Variants in KIF26B observed in about 807,000 individuals in gnomAD.
The protein encoded by KIF26B is kinesin family member 26B.
KIF26B carries 63 observed loss-of-function variants against 151.2 expected under a neutral mutation model. That is an observed-to-expected ratio of 0.42 (90% confidence interval 0.34 to 0.51). The LOEUF (loss-of-function observed/expected upper bound fraction) is 0.51. KIF26B is among the 20% of genes least tolerant of loss of function. KIF26B has a pLI of 0.07. For missense variants in KIF26B, 2,813 were observed against 2,913.6 expected (o/e 0.97, Z 0.79); for synonymous variants, 1,357 against 1,262.1 (o/e 1.08, Z -1.59).
chr1:245,300,534 CTTTTTT>C (rs199923880), intron 2 of KIF26B, among the ~76,000 whole-genome samples: 1 of 144,736 alleles, frequency 6.9e-6, no homozygotes, highest in African/African-American at 2.5e-5. Flanking sequence ...TTTCTTTTTT[CTTTTTT>C]TTTTTTGAGG....
At position 245,558,747 on chromosome 1, in the gene KIF26B, G is replaced by A. The variant is rs141998921; in HGVS notation, c.1350+17797G>A. Among the ~76,000 whole-genome samples the A allele has an allele frequency of 2.9e-3, 448 of 152,278 alleles. 2 individuals carry two copies. The South Asian group carries it at 0.035, about 12-fold the overall frequency. On this transcript the variant is annotated intron_variant, in intron 5 of 14. Transcript: ENST00000407071. ...TTACTCTTTACCTGGACAACATAAC[G>A]TCGGGGAAAACTCATTTATTTGCAA...
At chr1:245,402,140 G>A (rs1053350793) in intron 3 of KIF26B, among the ~76,000 whole-genome samples, 4 of 152,124 alleles carry the variant, frequency 2.6e-5, no homozygotes, top group South Asian at 4.1e-4. Context: ...TGTTCTCCAC[G>A]TTGGTAGCTG....
chr1:245,165,951 T>C (rs1366419965), intron 2 of KIF26B, among the ~76,000 whole-genome samples: 1 of 152,200 alleles, frequency 6.6e-6, no homozygotes, highest in African/African-American at 2.4e-5. Context: ...TTTGAGTTGC[T>C]GAGGACACTG....
At chr1:245,482,907 C>G (rs1660198555) in intron 4 of KIF26B, among the ~76,000 whole-genome samples, 1 of 151,722 alleles carries the variant, frequency 6.6e-6, no homozygotes. Flanking sequence ...TGATGAATCC[C>G]GGGCAGCCAC....
chr1:245,184,047 GTTGTT>G (rs1389030175), intron 2 of KIF26B, among the ~76,000 whole-genome samples: 3 of 9,246 alleles, frequency 3.2e-4, no homozygotes, highest in Middle Eastern at 0.062. Context: ...GGTGGGAGTT[GTTGTT>G]TTTTTTTTTT....
At chr1:245,314,725 G>A (rs1462242303) in intron 2 of KIF26B, among the ~76,000 whole-genome samples, 1 of 152,152 alleles carries the variant, frequency 6.6e-6, no homozygotes, top group Non-Finnish European at 1.5e-5. Flanking sequence ...GCGCCTACCT[G>A]TATGGTGCCC....
At chr1:245,355,544 T>G (rs1672674216) in intron 2 of KIF26B, among the ~76,000 whole-genome samples, 1 of 147,892 alleles carries the variant, frequency 6.8e-6, no homozygotes, top group South Asian at 2.1e-4. Flanking sequence ...TGCAGTGAGC[T>G]GTGATCACGC....
chr1:245,391,304 A>T (rs978231483), intron 3 of KIF26B, among the ~76,000 whole-genome samples: 5 of 152,244 alleles, frequency 3.3e-5, no homozygotes, highest in Non-Finnish European at 5.9e-5. Flanking sequence ...TGAAATTTTA[A>T]GAAACTACCA....
At chr1:245,362,764 G>C (rs1207548657) in intron 2 of KIF26B, among the ~76,000 whole-genome samples, 1 of 151,894 alleles carries the variant, frequency 6.6e-6, no homozygotes, top group Non-Finnish European at 1.5e-5. Flanking sequence ...GTGAGCCACG[G>C]TGCTCCACCA....
In KIF26B at chr1:245,698,553, G is replaced by A. The variant is rs750474578; in HGVS notation, c.6027+245G>A. The stretch of plus-strand genomic sequence containing the variant: ...GCTTCAAAGCCAGGGGTCGGGGGCT[G>A]GTGATCTTGGGGGCTTTTCTGGCTC... On this transcript the variant is annotated intron_variant, in intron 13 of 14. Coordinates refer to ENST00000407071, the MANE Select transcript of KIF26B (RefSeq NM_018012.4). The surrounding 1 kb of genome is among the most constrained non-coding windows in gnomAD (Gnocchi z 4.0). Among the ~76,000 whole-genome samples, 3 of 152,198 alleles carry A rather than the reference G, an allele frequency of 2.0e-5. No homozygotes were observed. The highest frequency in any genetic ancestry group is 2.9e-5 in the Non-Finnish European group (2 of 68,028).
intron 5 of KIF26B, among the ~76,000 whole-genome samples, chr1:245,595,918 C>A (rs1205444695): frequency 2.0e-5 from 3 of 152,112 alleles, no homozygotes; most frequent in Admixed American, 2.0e-4. Flanking sequence ...GGAATTTATC[C>A]ATTTCTTCTA....
At chr1:245,646,404 C>A in intron 10 of KIF26B, 124 bp downstream of exon 10, 1 of 984,026 alleles carries the variant, frequency 1.0e-6, no homozygotes, top group Non-Finnish European at 1.5e-6. Context: ...AAGTTCAGTG[C>A]CAGAGACCAG....
At chr1:245,669,265 T>G (rs1429586717) in intron 10 of KIF26B, among the ~76,000 whole-genome samples, 1 of 152,168 alleles carries the variant, frequency 6.6e-6, no homozygotes, top group African/African-American at 2.4e-5. Flanking sequence ...TTCACAGGTA[T>G]AGCCTATGTT....
intron 4 of KIF26B, among the ~76,000 whole-genome samples, chr1:245,439,950 G>C (rs1051032338): frequency 6.6e-6 from 1 of 152,200 alleles, no homozygotes; most frequent in African/African-American, 2.4e-5. Context: ...GGCCAGGTGC[G>C]GTGGCTCACG....
At position 245,361,491 on chromosome 1, in the gene KIF26B, C is replaced by G. The variant is rs115774940; in HGVS notation, c.466-5343C>G. Among the ~76,000 whole-genome samples the G allele has an allele frequency of 4.6e-3, 693 of 152,300 alleles. 5 individuals are homozygous for G. The highest frequency in any genetic ancestry group is 7.1e-3 in the African/African-American group (297 of 41,556). Reference sequence around the variant, plus strand: ...ACGTGCTCAGCGCGGTGTTCATGCCCGCACCATTGTGTGATCACCATCACT... The same window carrying G: ...ACGTGCTCAGCGCGGTGTTCATGCCGGCACCATTGTGTGATCACCATCACT... On this transcript the variant is annotated intron_variant, in intron 2 of 14. Coordinates refer to ENST00000407071, the MANE Select transcript of KIF26B (RefSeq NM_018012.4).
Position 245,686,931 on chromosome 1 carries a change from G to A in KIF26B, c.3948G>A (p.Ser1316=), listed in dbSNP as rs755744475. 9.9e-6 allele frequency: 16 copies of A among 1,613,146 alleles called. No homozygotes were observed. The highest frequency in any genetic ancestry group is 2.2e-5 in the East Asian group (1 of 44,874). Reference sequence around the variant, plus strand: ...AGGCAATGGCAGAACCTGTGGCCTCGGAGTTTGTCAGCAGCCTCCAGAACA... The same window carrying A: ...AGGCAATGGCAGAACCTGTGGCCTCAGAGTTTGTCAGCAGCCTCCAGAACA... ...HGEAMAEPVA[S]EFVSSLQNTA... is the part of the protein sequence containing the mutation. The change falls in exon 12 of 15, where the codon TCG becomes TCA. Residue 1316 remains serine, a synonymous_variant. Transcript: ENST00000407071. The surrounding 1 kb of genome is among the most constrained non-coding windows in gnomAD (Gnocchi z 5.6).
intron 4 of KIF26B, among the ~76,000 whole-genome samples, chr1:245,538,308 C>A (rs1157670652): frequency 2.0e-5 from 3 of 152,020 alleles, no homozygotes; most frequent in Non-Finnish European, 2.9e-5. Context: ...CCAAGATGGG[C>A]AAGGAAGTAG....
chr1:245,681,437 C>T (rs1016992114), intron 10 of KIF26B, among the ~76,000 whole-genome samples: 1 of 152,146 alleles, frequency 6.6e-6, no homozygotes, highest in Non-Finnish European at 1.5e-5. Context: ...TCTTGATCTC[C>T]TGACCTCATG....
intron 2 of KIF26B, among the ~76,000 whole-genome samples, chr1:245,293,495 A>G (rs1003183642): frequency 2.0e-5 from 3 of 151,926 alleles, no homozygotes; most frequent in African/African-American, 7.3e-5. Flanking sequence ...GGTAGAATTG[A>G]GCCTCACAGC....
Sources: allele counts gnomAD v4.1 joint callset (sites outside exome capture counted in the v4.1 genomes callset), GRCh38; gene constraint gnomAD v4.1.1; non-coding constraint Gnocchi (gnomAD v3.1); transcripts MANE v1.5; gene names NCBI Gene and HGNC (gene_info 2026-07-23, HGNC 2026-07-21).